The following CUL1 variants were observed in gnomAD, a reference collection of about 807,000 sequenced individuals.
The protein encoded by CUL1 is cullin-1.
In CUL1, 24 loss-of-function variants were observed where a neutral mutation model predicts 118.0. The observed-to-expected ratio is 0.20, with a 90% CI of 0.15 to 0.29. CUL1 has a LOEUF of 0.29. Ranked by LOEUF, CUL1 falls within the 10% of genes least tolerant of loss-of-function variation. The pLI is 1.00. For missense variants in CUL1, 361 were observed against 933.8 expected (o/e 0.39, Z 7.99); for synonymous variants, 332 against 340.4 (o/e 0.98, Z 0.27).
rs1800017153 is a variant in CUL1, at chr7:148,766,679, T to C, written c.908T>C (p.Phe303Ser). 6.2e-7 allele frequency: 1 copy of C among 1,613,338 alleles called. No homozygotes were observed. The change falls in exon 8 of 22, where the codon TTC (phenylalanine) becomes TCC (serine). Residue 303 changes from phenylalanine to serine, a missense_variant. By Grantham distance (155) the Phe-to-Ser change is radical (BLOSUM62 -2). This residue lies in a region of CUL1 where 169 missense variants were observed against 429.7 expected (regional missense o/e 0.39). Coordinates refer to ENST00000325222, the MANE Select transcript of CUL1 (RefSeq NM_003592.3). ...QVLIEKHLEI[F>S]HTEFQNLLDA... ...CTCATTGAAAAACACTTGGAAATTT[T>C]CCACACAGAATTTCAGAATTTATTG...
At chr7:148,785,395 G>A (rs1800780621) in intron 11 of CUL1, among the ~76,000 whole-genome samples, 1 of 151,746 alleles carries the variant, frequency 6.6e-6, no homozygotes, top group African/African-American at 2.4e-5. Context: ...GTCTTACTCT[G>A]TCGCCCATGC....
intron 2 of CUL1, among the ~76,000 whole-genome samples, chr7:148,742,889 C>T (rs1430923799): frequency 2.0e-5 from 3 of 152,112 alleles, no homozygotes; most frequent in African/African-American, 7.2e-5. Context: ...CAGGCATCAG[C>T]CATCATGCCC....
intron 3 of CUL1, among the ~76,000 whole-genome samples, chr7:148,755,343 T>G (rs1187242782): frequency 6.6e-6 from 1 of 152,246 alleles, no homozygotes; most frequent in Admixed American, 6.5e-5. Context: ...CAGGGAAATT[T>G]GCAGGAACTC....
At chr7:148,699,915 T>C (rs150706931) in intron 1 of CUL1, among the ~76,000 whole-genome samples, 1,899 of 151,904 alleles carry the variant, frequency 0.013, 28 homozygotes, top group Non-Finnish European at 0.018. Context: ...TCGTCGCTTT[T>C]TTTTCCCTTA....
chr7:148,743,190 G>C (rs2129459986), intron 2 of CUL1, among the ~76,000 whole-genome samples: 1 of 152,294 alleles, frequency 6.6e-6, no homozygotes. Context: ...CCAGAAAATA[G>C]CCTATCTTGG....
intron 2 of CUL1, among the ~76,000 whole-genome samples, chr7:148,745,616 A>G (rs1020746920): frequency 1.3e-5 from 2 of 152,238 alleles, no homozygotes; most frequent in African/African-American, 4.8e-5. Context: ...CATAGTGACT[A>G]TTAGGATGAA....
At chr7:148,731,752 C>G (rs1798769485) in intron 2 of CUL1, among the ~76,000 whole-genome samples, 1 of 152,224 alleles carries the variant, frequency 6.6e-6, no homozygotes, top group Non-Finnish European at 1.5e-5. Context: ...TTTGCCCATT[C>G]TGTACATTTT....
rs568838008 is a variant in CUL1 at position 148,783,959 on chromosome 7, C to T, written c.1192-12C>T. ...GGGGCGTTTGTCTCTAACTATATTCCGTGTAACGCAGGCTTGTGGTCGCTT... is the reference window on the plus strand; with the variant it reads ...GGGGCGTTTGTCTCTAACTATATTCTGTGTAACGCAGGCTTGTGGTCGCTT... On this transcript the variant is annotated splice_polypyrimidine_tract_variant and intron_variant, in intron 10 of 21. Transcript: ENST00000325222. The T allele has an allele frequency of 2.5e-6, 4 of 1,613,878 alleles. No individual in the cohort carries two copies. The highest frequency in any genetic ancestry group is 3.4e-6 in the Non-Finnish European group (4 of 1,179,832).
At chr7:148,792,993 C>A (rs1801068618) in intron 17 of CUL1, among the ~76,000 whole-genome samples, 175 bp downstream of exon 17, 1 of 152,184 alleles carries the variant, frequency 6.6e-6, no homozygotes. Context: ...CAAAAAGCTT[C>A]ATGTTAAAAC....
Position 148,722,422 on chromosome 7 carries a change from C to T in CUL1, c.-161-7540C>T, listed in dbSNP as rs1798424554. 3.3e-5 allele frequency among the ~76,000 whole-genome samples: 5 copies of T among 152,210 alleles called. No homozygotes were observed. The South Asian group carries it at 6.2e-4, about 19-fold the overall frequency. Reference sequence around the variant, plus strand: ...GAAACTCCTCCATAGCCGCTTCTCACACTGCTTCAACCCCATTGCTCTTCC... The same window carrying T: ...GAAACTCCTCCATAGCCGCTTCTCATACTGCTTCAACCCCATTGCTCTTCC... On this transcript the variant is annotated intron_variant, in intron 1 of 21. Transcript: ENST00000325222.
intron 7 of CUL1, 63 bp from the exon 8 acceptor site, chr7:148,766,498 A>T: frequency 7.4e-7 from 1 of 1,343,422 alleles, no homozygotes; most frequent in Non-Finnish European, 1.0e-6. Flanking sequence ...TTTACATATT[A>T]AAGAATTGTA....
intron 1 of CUL1, among the ~76,000 whole-genome samples, chr7:148,704,811 GTTA>G (rs140170158): frequency 0.075 from 11,328 of 152,014 alleles, 1,413 homozygotes; most frequent in African/African-American, 0.26. Flanking sequence ...TTAGCAGTAG[GTTA>G]TTATTTTTTT....
Position 148,800,470 on chromosome 7 carries a change from A to G in CUL1, c.2251-32A>G. ...ATAATTTGTGTTTTTCTTCTCTTTC[A>G]CTACCTCTTCCTTTTTAAAAATAAC... is the stretch of plus-strand genomic sequence containing the variant. On this transcript the variant is annotated intron_variant, in intron 21 of 21. Coordinates refer to ENST00000325222, the MANE Select transcript of CUL1 (RefSeq NM_003592.3). The surrounding 1 kb of genome is among the most constrained non-coding windows in gnomAD (Gnocchi z 4.6). 1 of 1,562,152 alleles carries G rather than the reference A, an allele frequency of 6.4e-7. No individual in the cohort carries two copies. The highest frequency in any genetic ancestry group is 8.8e-7 in the Non-Finnish European group (1 of 1,133,340).
chr7:148,708,833 C>T (rs1797965373), intron 1 of CUL1, among the ~76,000 whole-genome samples: 2 of 152,310 alleles, frequency 1.3e-5, no homozygotes, highest in Non-Finnish European at 2.9e-5. Flanking sequence ...AAAATTTCAA[C>T]AAAGCAACCA....
At chr7:148,717,954 A>G (rs542682665) in intron 1 of CUL1, among the ~76,000 whole-genome samples, 1 of 152,322 alleles carries the variant, frequency 6.6e-6, no homozygotes, top group South Asian at 2.1e-4. Context: ...AAACTTTGAC[A>G]TTCGTGTTTT....
At chr7:148,767,791 C>T (rs1277983631) in intron 9 of CUL1, 42 bp downstream of exon 9, 2 of 1,598,130 alleles carry the variant, frequency 1.3e-6, no homozygotes, top group African/African-American at 1.3e-5. Flanking sequence ...CTGATTATTT[C>T]CACATGCGAA....
In CUL1 at chr7:148,713,868, T is replaced by A. The variant is rs1563147493; in HGVS notation, c.-162+14839T>A. On this transcript the variant is annotated intron_variant, in intron 1 of 21. Transcript: ENST00000325222. Reference sequence around the variant, plus strand: ...CCTCCCAAGTAGCTGTGACTACAGGTGTGTGCCACCACACCAGGCAAATTT... The same window carrying A: ...CCTCCCAAGTAGCTGTGACTACAGGAGTGTGCCACCACACCAGGCAAATTT... Among the ~76,000 whole-genome samples, 4 of 152,252 alleles carry A rather than the reference T, an allele frequency of 2.6e-5. No individual in the cohort carries two copies. In the South Asian group the frequency reaches 8.3e-4, roughly 32 times the overall value.
intron 9 of CUL1, among the ~76,000 whole-genome samples, chr7:148,776,183 C>CT (rs945647622): frequency 2.6e-5 from 4 of 151,704 alleles, no homozygotes; most frequent in African/African-American, 9.7e-5. Context: ...GAAGACCCCC[C>CT]TCTGCCTTGG....
chr7:148,730,593 CA>C (rs1487491506), intron 2 of CUL1, among the ~76,000 whole-genome samples: 6 of 152,184 alleles, frequency 3.9e-5, no homozygotes, highest in African/African-American at 1.2e-4. Flanking sequence ...TGGTCTAAAG[CA>C]AGGTCCTGAG....
Sources: allele counts gnomAD v4.1 joint callset (sites outside exome capture counted in the v4.1 genomes callset), GRCh38; gene constraint gnomAD v4.1.1; regional missense constraint gnomAD v4.1.1; non-coding constraint Gnocchi (gnomAD v3.1); transcripts MANE v1.5; gene names NCBI Gene and HGNC (gene_info 2026-07-23, HGNC 2026-07-21).